The following CAPRIN1 variants were observed in gnomAD, a reference collection of about 807,000 sequenced individuals.
The protein encoded by CAPRIN1 is caprin-1.
CAPRIN1 carries 29 observed loss-of-function variants against 100.9 expected under a neutral mutation model. The ratio of observed to expected loss-of-function variants is 0.29; its 90% CI spans 0.21 to 0.39. CAPRIN1 has a LOEUF of 0.39. CAPRIN1 is among the 10% of genes least tolerant of loss of function. The pLI, the probability that CAPRIN1 is intolerant of heterozygous loss-of-function variation, is 1.00. For missense variants in CAPRIN1, 795 were observed against 876.7 expected (o/e 0.91, Z 1.18); for synonymous variants, 338 against 307.5 (o/e 1.10, Z -1.04).
chr11:34,059,163 A>G (rs906512766), intron 2 of CAPRIN1, among the ~76,000 whole-genome samples: 1 of 152,158 alleles, frequency 6.6e-6, no homozygotes, highest in African/African-American at 2.4e-5. Context: ...TCAAAATTCA[A>G]ACTTCCTGAG....
At chr11:34,080,815 G>A (rs1851014670) in intron 7 of CAPRIN1, among the ~76,000 whole-genome samples, 2 of 152,218 alleles carry the variant, frequency 1.3e-5, no homozygotes, top group Non-Finnish European at 2.9e-5. Flanking sequence ...TACAGTGCCT[G>A]ACACGTGGTA....
At position 34,052,764 on chromosome 11, in the gene CAPRIN1, C is replaced by T. The variant is rs943186637; in HGVS notation, c.216+128C>T. 2.8e-6 allele frequency: 4 copies of T among 1,412,824 alleles called. No homozygotes were observed. The African/African-American group carries it at 4.4e-5, about 16-fold the overall frequency. 87.5% of individuals were successfully genotyped at this position (1,412,824 alleles called of 1,614,324 possible). ...TTACTAGGTCCCCTCCTCCCACCCCCTGGCCCACACGCCCCGTCTCCACGT... is the reference window on the plus strand; with the variant it reads ...TTACTAGGTCCCCTCCTCCCACCCCTTGGCCCACACGCCCCGTCTCCACGT... On this transcript the variant is annotated intron_variant, in intron 2 of 18. Transcript: ENST00000341394.
chr11:34,060,270 T>C (rs150215717), intron 2 of CAPRIN1, among the ~76,000 whole-genome samples: 4 of 151,422 alleles, frequency 2.6e-5, no homozygotes, highest in African/African-American at 9.7e-5. Flanking sequence ...ACACAGATAA[T>C]TCTTATTATT....
At chr11:34,066,137 G>A (rs952541157) in intron 2 of CAPRIN1, among the ~76,000 whole-genome samples, 4 of 151,950 alleles carry the variant, frequency 2.6e-5, no homozygotes, top group South Asian at 4.2e-4. Flanking sequence ...CACCAGGCCC[G>A]GCTACTTTTT....
chr11:34,068,878 C>G (rs987323698), intron 2 of CAPRIN1, among the ~76,000 whole-genome samples: 1 of 152,122 alleles, frequency 6.6e-6, no homozygotes, highest in Non-Finnish European at 1.5e-5. Flanking sequence ...GATATACAAA[C>G]TCTACCCCAT....
At chr11:34,090,368 T>C (rs542218855) in intron 13 of CAPRIN1, 79 bp downstream of exon 13, 1 of 1,233,834 alleles carries the variant, frequency 8.1e-7, no homozygotes, top group Non-Finnish European at 1.2e-6. Context: ...ACCATTAATA[T>C]AATGATTCTT....
At chr11:34,074,233 TTAATG>T (rs1246458609) in intron 4 of CAPRIN1, among the ~76,000 whole-genome samples, 1 of 152,206 alleles carries the variant, frequency 6.6e-6, no homozygotes, top group African/African-American at 2.4e-5. Flanking sequence ...GCTATACAGT[TTAATG>T]TAACATCTAT....
At chr11:34,092,572 C>T (rs1851284414) in intron 15 of CAPRIN1, among the ~76,000 whole-genome samples, 3 of 152,108 alleles carry the variant, frequency 2.0e-5, no homozygotes, top group Admixed American at 2.0e-4. Context: ...GTTGCCCAGG[C>T]TTGTCTTGAA....
chr11:34,059,340 C>A (rs1343270280), intron 2 of CAPRIN1, among the ~76,000 whole-genome samples: 1 of 149,306 alleles, frequency 6.7e-6, no homozygotes, highest in East Asian at 2.0e-4. Context: ...GTGGTCTTGG[C>A]TCACTGCAAC....
chr11:34,052,301 C>T (rs1315140712), intron 1 of CAPRIN1, 120 bp from the exon 2 acceptor site: 4 of 859,922 alleles, frequency 4.7e-6, no homozygotes, highest in Non-Finnish European at 5.4e-6. Flanking sequence ...CCCTCCCCCA[C>T]CCGCTCGCGT....
intron 11 of CAPRIN1, among the ~76,000 whole-genome samples, chr11:34,086,689 G>T (rs1245827270): frequency 1.3e-5 from 2 of 152,202 alleles, no homozygotes; most frequent in African/African-American, 4.8e-5. Flanking sequence ...CCTGCAGCTA[G>T]ATTAAGAAAT....
intron 2 of CAPRIN1, among the ~76,000 whole-genome samples, chr11:34,054,988 TTG>T (rs1850419121): frequency 1.3e-5 from 2 of 152,074 alleles, no homozygotes; most frequent in African/African-American, 4.8e-5. Flanking sequence ...GCCAATTTAG[TTG>T]TGAGGTGGCT....
At position 34,086,389 on chromosome 11, in the gene CAPRIN1, A is replaced by G; in HGVS notation, c.1207A>G (p.Met403Val). The change falls in exon 11 of 19, where the codon ATG becomes GTG. Residue 403 changes from methionine (M) to valine (V), a missense_variant. By Grantham distance (21) the Met-to-Val change is conservative. Around this residue, in one of 3 missense-constraint regions of CAPRIN1, gnomAD observed 648 missense variants for 697.9 expected, o/e 0.93. Coordinates refer to ENST00000341394, the MANE Select transcript of CAPRIN1 (RefSeq NM_005898.5). ...QPMNPTQNMD[M>V]PQLVCPPVHS... The stretch of plus-strand genomic sequence containing the variant: ...TATGAATCCAACACAAAACATGGAC[A>G]TGCCCCAGCTGGTTTGCCCTCCAGG... 6.2e-7 allele frequency: 1 copy of G among 1,613,122 alleles called. No homozygotes were observed. Among genetic ancestry groups the G allele is most frequent in the Non-Finnish European group, 8.5e-7 (1 of 1,179,292 alleles).
intron 11 of CAPRIN1, among the ~76,000 whole-genome samples, chr11:34,087,470 A>T (rs573143717): frequency 7.1e-6 from 1 of 141,212 alleles, no homozygotes; most frequent in Admixed American, 7.0e-5. Context: ...AGTAGCTGGG[A>T]CTACAGGCGC....
chr11:34,100,806 T>C lies in CAPRIN1; in HGVS notation c.*1439T>C, dbSNP rs1188668235. 1.3e-5 allele frequency: 2 copies of C among 152,660 alleles called. No individual in the cohort carries two copies. The highest frequency in any genetic ancestry group is 2.9e-5 in the Non-Finnish European group (2 of 68,032). The allele number at this position is 152,660 out of a possible 1,614,324, so 9.5% of individuals were successfully genotyped here. A position where few individuals can be genotyped will look rare whatever the true frequency, so the allele number is the denominator to read the frequency against. On this transcript the variant is annotated 3_prime_UTR_variant, in exon 19 of 19. Transcript: ENST00000341394. ...GAATTTGTGCTAGCAGTTTGAGCAC[T>C]AGTTCTGTGTGCCTAGGAAGTTAAT...
chr11:34,064,645 A>T (rs17771981), intron 2 of CAPRIN1, among the ~76,000 whole-genome samples: 1 of 152,310 alleles, frequency 6.6e-6, no homozygotes, highest in African/African-American at 2.4e-5. Context: ...TTTATAGTGT[A>T]CATTTTGGTA....
At chr11:34,064,532 G>A (rs1337103259) in intron 2 of CAPRIN1, among the ~76,000 whole-genome samples, 2 of 152,218 alleles carry the variant, frequency 1.3e-5, no homozygotes, top group Admixed American at 6.5e-5. Flanking sequence ...CACTTAAGGA[G>A]TAAGCTGAGA....
chr11:34,082,185 A>T (rs1851046112), intron 7 of CAPRIN1, among the ~76,000 whole-genome samples: 1 of 149,102 alleles, frequency 6.7e-6, no homozygotes, highest in South Asian at 2.1e-4. Flanking sequence ...CTTTATTTTT[A>T]TTTTTTATTT....
intron 2 of CAPRIN1, among the ~76,000 whole-genome samples, chr11:34,056,787 A>G (rs1850461300): frequency 6.6e-6 from 1 of 152,238 alleles, no homozygotes; most frequent in Non-Finnish European, 1.5e-5. Flanking sequence ...TGTGAATATA[A>G]TAGGTTTAGA....
Sources: gnomAD v4.1 joint callset for allele counts (sites outside exome capture counted in the v4.1 genomes callset) on GRCh38, gnomAD v4.1.1 for gene constraint, gnomAD v4.1.1 regional missense constraint, MANE v1.5 for transcripts, NCBI Gene and HGNC (gene_info 2026-07-23, HGNC 2026-07-21) for gene names.